Variants in HIVEP1 observed in about 807,000 individuals in gnomAD.
The protein encoded by HIVEP1 is HIVEP zinc finger 1.
A neutral mutation model predicts 180.0 loss-of-function variants in HIVEP1; 36 were observed. The ratio of observed to expected loss-of-function variants is 0.20; its 90% CI spans 0.15 to 0.26. The LOEUF (loss-of-function observed/expected upper bound fraction) is 0.26. Among genes scored for constraint, HIVEP1 ranks in the 10% least tolerant of loss-of-function variants. HIVEP1 has a pLI of 1.00. For missense variants in HIVEP1, 3,143 were observed against 3,268.7 expected (o/e 0.96, Z 0.94); for synonymous variants, 1,239 against 1,239.0 (o/e 1.00, Z 0.00).
At chr6:12,105,214 T>C (rs536145534) in intron 3 of HIVEP1, among the ~76,000 whole-genome samples, 8 of 152,210 alleles carry the variant, frequency 5.3e-5, no homozygotes, top group Non-Finnish European at 1.0e-4. Flanking sequence ...AGCTTGATCT[T>C]TATGCAATTT....
chr6:12,018,012 A>G (rs1013677714), intron 2 of HIVEP1, among the ~76,000 whole-genome samples: 16 of 152,336 alleles, frequency 1.1e-4, no homozygotes, highest in Non-Finnish European at 2.1e-4. Context: ...GCAGGAGCCC[A>G]TGGCGTGGGG....
chr6:12,069,305 A>G (rs1173418594), intron 2 of HIVEP1, among the ~76,000 whole-genome samples: 1 of 152,190 alleles, frequency 6.6e-6, no homozygotes, highest in Non-Finnish European at 1.5e-5. Flanking sequence ...TAAAAAATTC[A>G]TACAACCTGT....
chr6:12,165,112 A>C (rs758412280), downstream of HIVEP1: 5 of 513,288 alleles, frequency 9.7e-6, no homozygotes, highest in African/African-American at 9.7e-5. Flanking sequence ...CATTTTTTTT[A>C]TAAACAGAGA....
At chr6:12,106,645 T>C (rs1404656476) in intron 3 of HIVEP1, among the ~76,000 whole-genome samples, 1 of 152,166 alleles carries the variant, frequency 6.6e-6, no homozygotes, top group Non-Finnish European at 1.5e-5. Flanking sequence ...TAGGAGACCA[T>C]TTTATTATCA....
the HIVEP1 span, among the ~76,000 whole-genome samples, chr6:12,200,352 G>A: frequency 6.6e-6 from 1 of 152,236 alleles, no homozygotes; most frequent in Non-Finnish European, 1.5e-5. Context: ...CTGCAAGACT[G>A]CCCTGAACTG....
rs780330887 is a variant in HIVEP1 at position 12,124,818 on chromosome 6, A to G, written c.5023A>G (p.Ser1675Gly). 3 of 1,614,084 alleles carry G rather than the reference A, an allele frequency of 1.9e-6. No individual in the cohort carries two copies. The highest frequency in any genetic ancestry group is 2.7e-5 in the African/African-American group (2 of 74,938). The change falls in exon 4 of 9, where the codon AGT becomes GGT. Residue 1675 changes from serine to glycine, a missense_variant. Coordinates refer to ENST00000379388, the MANE Select transcript of HIVEP1 (RefSeq NM_002114.4). ...TCAGCCAATTTGCCAGACTAATCAT[A>G]GTGTAGTGCCAATCAGTGAAGAACA... is the stretch of plus-strand genomic sequence containing the variant. The part of the protein sequence containing the change: ...PNQPICQTNH[S>G]VVPISEEQNS...
chr6:12,206,426 C>A, the HIVEP1 span, among the ~76,000 whole-genome samples: 1 of 152,128 alleles, frequency 6.6e-6, no homozygotes, highest in Non-Finnish European at 1.5e-5. Flanking sequence ...TGAGCTACAA[C>A]ACCCATCCAA....
intron 3 of HIVEP1, among the ~76,000 whole-genome samples, chr6:12,107,213 T>A (rs1774487039): frequency 6.6e-6 from 1 of 152,216 alleles, no homozygotes; most frequent in Non-Finnish European, 1.5e-5. Flanking sequence ...TTTTTTTATT[T>A]CCCAGTGCAT....
At chr6:12,087,092 T>C (rs1191616485) in intron 2 of HIVEP1, among the ~76,000 whole-genome samples, 1 of 152,144 alleles carries the variant, frequency 6.6e-6, no homozygotes, top group African/African-American at 2.4e-5. Flanking sequence ...TTTGAGGAGG[T>C]ACTTATTATA....
intron 2 of HIVEP1, among the ~76,000 whole-genome samples, chr6:12,068,797 T>G: frequency 6.6e-6 from 1 of 152,340 alleles, no homozygotes; most frequent in South Asian, 2.1e-4. Context: ...TACATACCTG[T>G]GTATTTAAAT....
chr6:12,116,885 A>G (rs955496384), intron 3 of HIVEP1, among the ~76,000 whole-genome samples: 4 of 152,248 alleles, frequency 2.6e-5, no homozygotes, highest in Admixed American at 6.5e-5. Flanking sequence ...ACTAAAGATC[A>G]TAAATGTATT....
chr6:12,144,658 A>G (rs1054459144), intron 7 of HIVEP1, among the ~76,000 whole-genome samples: 1 of 152,176 alleles, frequency 6.6e-6, no homozygotes, highest in Non-Finnish European at 1.5e-5. Flanking sequence ...ATCTACAAAT[A>G]ACTCAAACAA....
intron 2 of HIVEP1, among the ~76,000 whole-genome samples, chr6:12,060,319 T>G (rs187485614): frequency 6.6e-6 from 1 of 152,248 alleles, no homozygotes; most frequent in Non-Finnish European, 1.5e-5. Context: ...ATTTGCTTCT[T>G]TAAATATATA....
chr6:12,211,154 CT>C, the HIVEP1 span, among the ~76,000 whole-genome samples: 1 of 148,692 alleles, frequency 6.7e-6, no homozygotes, highest in African/African-American at 2.5e-5. Context: ...GATCCCAGCA[CT>C]TTGGGAGGCT....
intron 4 of HIVEP1, among the ~76,000 whole-genome samples, chr6:12,126,489 G>A (rs894031823): frequency 6.6e-6 from 1 of 152,206 alleles, no homozygotes; most frequent in Non-Finnish European, 1.5e-5. Context: ...TCATGAAACT[G>A]TAACTTGGGG....
Position 12,161,927 on chromosome 6 carries a change from C to T in HIVEP1, c.6976C>T (p.Gln2326Ter). The T allele has an allele frequency of 6.3e-7, 1 of 1,599,312 alleles. No homozygotes were observed. The highest frequency in any genetic ancestry group is 8.5e-7 in the Non-Finnish European group (1 of 1,170,990). The change falls in exon 8 of 9, where the codon CAG (glutamine) becomes TAG (stop). Residue 2326 changes from glutamine (Q) to a stop codon, truncating the protein, a stop_gained and splice_region_variant. Transcript: ENST00000379388. LOFTEE classifies it low-confidence loss of function (END_TRUNC). ...GGCAGGAAAAGCTGTTGCTATAACA[C>T]AGGTAAATGATTGGCAGTTGTTCTT... is the stretch of plus-strand genomic sequence containing the variant. ...SMAGKAVAIT[Q>*]SPSSVRLPPA...
chr6:12,051,166 A>G (rs1770515976), intron 2 of HIVEP1, among the ~76,000 whole-genome samples: 1 of 151,636 alleles, frequency 6.6e-6, no homozygotes, highest in Non-Finnish European at 1.5e-5. Context: ...TTTGATATAC[A>G]CAGCAGTTCA....
Position 12,121,616 on chromosome 6 carries a change from C to T in HIVEP1, c.1821C>T (p.Asn607=), listed in dbSNP as rs1757671729. Residue 607 remains asparagine, a synonymous_variant, in exon 4 of 9, where the codon AAC becomes AAT. Transcript: ENST00000379388. The surrounding 1 kb of genome is among the most constrained non-coding windows in gnomAD (Gnocchi z 5.3). ...CAAACGTACAGCCACTTTCAGCCAA[C>T]ATGTCCCAGGGTGGAGTCTCCAGGT... ...QVTNVQPLSA[N]MSQGGVSRLE... The T allele has an allele frequency of 1.9e-6, 3 of 1,614,050 alleles. No individual in the cohort carries two copies. The highest frequency in any genetic ancestry group is 2.5e-6 in the Non-Finnish European group (3 of 1,180,040).
downstream of HIVEP1, among the ~76,000 whole-genome samples, chr6:12,169,628 T>C (rs1263546968): frequency 6.6e-6 from 1 of 152,144 alleles, no homozygotes; most frequent in African/African-American, 2.4e-5. Context: ...AAGAAAGTGA[T>C]TGTCTTAAGA....
Sources: allele counts gnomAD v4.1 joint callset (sites outside exome capture counted in the v4.1 genomes callset), GRCh38; gene constraint gnomAD v4.1.1; non-coding constraint Gnocchi (gnomAD v3.1); transcripts MANE v1.5; gene names NCBI Gene and HGNC (gene_info 2026-07-23, HGNC 2026-07-21).